The following DOCK8 variants were observed in gnomAD, a reference collection of about 807,000 sequenced individuals.
DOCK8 encodes the protein dedicator of cytokinesis protein 8.
In DOCK8, 141 loss-of-function variants were observed where a neutral mutation model predicts 245.6. That is an observed-to-expected ratio of 0.57 (90% CI 0.50 to 0.66). The LOEUF is 0.66. Among genes scored for constraint, DOCK8 ranks in the 30% least tolerant of loss-of-function variants. The pLI is 0.00. For missense variants in DOCK8, 2,965 were observed against 2,603.4 expected (o/e 1.14, Z -3.02); for synonymous variants, 1,168 against 970.2 (o/e 1.20, Z -3.79).
At chr9:305,279 C>A (rs1430269088) in intron 5 of DOCK8, among the ~76,000 whole-genome samples, 1 of 151,464 alleles carries the variant, frequency 6.6e-6, no homozygotes, top group Admixed American at 6.6e-5. Flanking sequence ...TGTCATTATT[C>A]TTTTTCTTTT....
At chr9:401,206 G>A (rs957711438) in intron 26 of DOCK8, among the ~76,000 whole-genome samples, 3 of 150,924 alleles carry the variant, frequency 2.0e-5, no homozygotes, top group Admixed American at 6.6e-5. Context: ...AAAATAAGAA[G>A]GGGGGGTTGA....
rs574154021 is a variant in DOCK8, at chr9:401,451, T to G, written c.3234+2192T>G. Among the ~76,000 whole-genome samples, 355 of 152,170 alleles carry G rather than the reference T, an allele frequency of 2.3e-3. 4 individuals carry two copies. Among genetic ancestry groups the G allele is most frequent in the African/African-American group, 8.0e-3 (333 of 41,512 alleles). The stretch of plus-strand genomic sequence containing the variant: ...TGGGTGAGGCTGCTCCACAGCACAG[T>G]AGGGAGTCTCTGGGTCAGAGAGCTC... On this transcript the variant is annotated intron_variant, in intron 26 of 47. Transcript: ENST00000432829.
intron 46 of DOCK8, chr9:456,127 C>T (rs530878758): frequency 6.6e-6 from 1 of 152,304 alleles, no homozygotes; most frequent in African/African-American, 2.4e-5. Flanking sequence ...TGATGGTGCA[C>T]AACTGTGTAA....
intron 4 of DOCK8, among the ~76,000 whole-genome samples, chr9:293,329 G>T (rs886260959): frequency 6.6e-5 from 10 of 152,332 alleles, no homozygotes; most frequent in Non-Finnish European, 7.3e-5. Context: ...TATTTTATCT[G>T]TGGGGAGAAT....
At chr9:216,548 A>AAAAAAG (rs1178128377) in intron 1 of DOCK8, among the ~76,000 whole-genome samples, 4 of 151,292 alleles carry the variant, frequency 2.6e-5, no homozygotes, top group Non-Finnish European at 5.9e-5. Flanking sequence ...AAAAAAAAAA[A>AAAAAAG]AAAAAAAGCA....
chr9:422,762 A>G (rs1225000921), intron 33 of DOCK8, among the ~76,000 whole-genome samples: 1 of 152,160 alleles, frequency 6.6e-6, no homozygotes, highest in African/African-American at 2.4e-5. Context: ...AGGCCGGTGG[A>G]ACACCTGAGG....
intron 16 of DOCK8, among the ~76,000 whole-genome samples, chr9:370,517 G>C (rs905225270): frequency 1.3e-5 from 2 of 152,180 alleles, no homozygotes; most frequent in African/African-American, 4.8e-5. Context: ...ATCCAATATA[G>C]TTTTGACTTT....
intron 18 of DOCK8, among the ~76,000 whole-genome samples, chr9:374,179 CTG>C (rs1259307225): frequency 2.0e-5 from 3 of 152,182 alleles, no homozygotes; most frequent in African/African-American, 7.2e-5. Context: ...TTGCGCTATG[CTG>C]TGTTTATAGA....
chr9:341,555 T>C (rs950067368), intron 14 of DOCK8, among the ~76,000 whole-genome samples: 28 of 152,334 alleles, frequency 1.8e-4, no homozygotes, highest in African/African-American at 5.5e-4. Context: ...TCACAGACTT[T>C]TACCTCACCT....
chr9:333,537 G>A (rs549546896), intron 10 of DOCK8, among the ~76,000 whole-genome samples: 1 of 151,700 alleles, frequency 6.6e-6, no homozygotes, highest in East Asian at 1.9e-4. Context: ...GGAGGCGGAG[G>A]TTGCAGTGAG....
upstream of DOCK8, chr9:214,364 T>G: frequency 1.4e-6 from 1 of 714,254 alleles, no homozygotes; most frequent in Non-Finnish European, 2.3e-6. Context: ...ATGAATCCAT[T>G]ATATTTATTT....
At chr9:418,241 C>A (rs775003886) in intron 30 of DOCK8, 34 bp downstream of exon 30, 8 of 1,612,904 alleles carry the variant, frequency 5.0e-6, no homozygotes, top group Non-Finnish European at 6.8e-6. Flanking sequence ...GTTGATTTTT[C>A]ATTTCATGTC....
At chr9:313,428 G>A (rs887484824) in intron 6 of DOCK8, among the ~76,000 whole-genome samples, 7 of 152,144 alleles carry the variant, frequency 4.6e-5, no homozygotes, top group African/African-American at 1.7e-4. Context: ...TTCTTATCCT[G>A]ATTTTCTAAG....
intron 1 of DOCK8, among the ~76,000 whole-genome samples, chr9:243,912 C>T (rs1487882079): frequency 2.0e-5 from 3 of 151,980 alleles, no homozygotes; most frequent in African/African-American, 4.8e-5. Flanking sequence ...TCGCCGGGCG[C>T]GGTGGCTCAT....
Position 292,021 on chromosome 9 carries a change from G to A in DOCK8, c.404+2440G>A, listed in dbSNP as rs148501429. On this transcript the variant is annotated intron_variant, in intron 4 of 47. Transcript: ENST00000432829. ...GGAGGTCAAGGCTGTAGTGAGTGACGATTGCACCACTGCACACCAGCCCAG... is the reference window on the plus strand; with the variant it reads ...GGAGGTCAAGGCTGTAGTGAGTGACAATTGCACCACTGCACACCAGCCCAG... Among the ~76,000 whole-genome samples, 146 of 134,254 alleles carry A rather than the reference G, an allele frequency of 1.1e-3. 1 individual carries two copies. The highest frequency in any genetic ancestry group is 5.1e-3 in the Middle Eastern group (1 of 198). The allele number at this position is 134,254 out of a possible 152,430, so 88.1% of individuals were successfully genotyped here. A position where few individuals can be genotyped will look rare whatever the true frequency, so the allele number is the denominator to read the frequency against.
chr9:393,600 G>A (rs541918932), intron 24 of DOCK8, among the ~76,000 whole-genome samples: 1 of 152,228 alleles, frequency 6.6e-6, no homozygotes, highest in African/African-American at 2.4e-5. Flanking sequence ...TATTTACTAG[G>A]GCTTCGTTGG....
At chr9:403,824 C>T (rs1447335900) in intron 26 of DOCK8, among the ~76,000 whole-genome samples, 1 of 149,218 alleles carries the variant, frequency 6.7e-6, no homozygotes, top group East Asian at 2.0e-4. Context: ...GAGATCATGC[C>T]ACTGCACTCC....
chr9:367,427 G>A (rs1298015231), intron 14 of DOCK8, among the ~76,000 whole-genome samples: 1 of 152,106 alleles, frequency 6.6e-6, no homozygotes, highest in African/African-American at 2.4e-5. Flanking sequence ...AAAAATATAT[G>A]CAAGTTACCC....
rs777816474 is a variant in DOCK8, at chr9:439,230, T to C, written c.5080-15T>C. On this transcript the variant is annotated splice_polypyrimidine_tract_variant and intron_variant, in intron 39 of 47. Coordinates refer to ENST00000432829, the MANE Select transcript of DOCK8 (RefSeq NM_203447.4). ...GTCGCCCTGTTCTCCAGGCTTATACTGTGGTCTCTTTCAGAATATTTCTTC... is the reference window on the plus strand; with the variant it reads ...GTCGCCCTGTTCTCCAGGCTTATACCGTGGTCTCTTTCAGAATATTTCTTC... The C allele has an allele frequency of 6.2e-7, 1 of 1,614,132 alleles. No homozygotes were observed. The highest frequency in any genetic ancestry group is 1.7e-5 in the Admixed American group (1 of 60,028).
Sources: allele counts gnomAD v4.1 joint callset (sites outside exome capture counted in the v4.1 genomes callset), GRCh38; gene constraint gnomAD v4.1.1; transcripts MANE v1.5; gene names NCBI Gene and HGNC (gene_info 2026-07-23, HGNC 2026-07-21).